OR52E4: variants seen among roughly 807,000 people sequenced by gnomAD.
OR52E4 encodes the protein olfactory receptor 52E4.
For missense variants in OR52E4, 444 were observed against 383.8 expected (o/e 1.16, Z -1.31); for synonymous variants, 169 against 137.4 (o/e 1.23, Z -1.61).
chr11:5,884,834 G>A lies in OR52E4; in HGVS notation c.542G>A (p.Cys181Tyr). 1 of 1,613,454 alleles carries A rather than the reference G, an allele frequency of 6.2e-7. No homozygotes were observed. Among genetic ancestry groups the A allele is most frequent in the South Asian group, 1.1e-5 (1 of 91,072 alleles). The change falls in exon 2 of 2, where the codon TGT becomes TAT. Residue 181 changes from cysteine to tyrosine, a missense_variant. Cys to Tyr is a radical substitution (Grantham distance 194). Transcript: ENST00000641726. ...CATAACATCGTACCTCACACATACT[G>A]TGAGCACAGGGGTCTGGCCGGGTTG... is the stretch of plus-strand genomic sequence containing the variant. ...CGHNIVPHTYCEHRGLAGLAC... is the reference protein window; with the variant it reads ...CGHNIVPHTYYEHRGLAGLAC...
Position 5,884,344 on chromosome 11 carries a change from G to C in OR52E4, c.52G>C (p.Gly18Arg), listed in dbSNP as rs748861143. ...HFYPPFFLLL[G>R]IPGLDTLHIW... ...CTATCCCCCCTTCTTCCTCCTGCTA[G>C]GAATACCAGGACTGGACACTTTACA... Residue 18 changes from glycine to arginine, a missense_variant, in exon 2 of 2, where the codon GGA becomes CGA. Coordinates refer to ENST00000641726, the MANE Select transcript of OR52E4 (RefSeq NM_001005165.2). The C allele has an allele frequency of 2.9e-5, 47 of 1,612,678 alleles. No individual in the cohort carries two copies. In the Admixed American group the frequency reaches 7.0e-4, roughly 24 times the overall value.
At position 5,884,560 on chromosome 11, in the gene OR52E4, A is replaced by G; in HGVS notation, c.268A>G (p.Asn90Asp). The G allele has an allele frequency of 6.2e-7, 1 of 1,613,530 alleles. No homozygotes were observed. Among genetic ancestry groups the G allele is most frequent in the South Asian group, 1.1e-5 (1 of 91,078 alleles). ...CAAAATGCTAGGAATCTTCTGGTTC[A>G]ACCTCCAAGAGATCAGCTTTGGGGG... The part of the protein sequence containing the change: ...IPKMLGIFWF[N>D]LQEISFGGCL... Residue 90 changes from asparagine to aspartate, a missense_variant, in exon 2 of 2, where the codon AAC (asparagine) becomes GAC (aspartate). By Grantham distance (23) the Asn-to-Asp change is conservative. Coordinates refer to ENST00000641726, the MANE Select transcript of OR52E4 (RefSeq NM_001005165.2).
chr11:5,881,705 ATAAG>A (rs1218240677), intron 1 of OR52E4, among the ~76,000 whole-genome samples: 7 of 152,160 alleles, frequency 4.6e-5, no homozygotes, highest in African/African-American at 7.2e-5. Flanking sequence ...CATTAATAAA[ATAAG>A]TAAGTATAAT....
Position 5,884,982 on chromosome 11 carries a change from C to G in OR52E4, c.690C>G (p.Pro230=). Residue 230 remains proline, a synonymous_variant, in exon 2 of 2, where the codon CCC becomes CCG. Coordinates refer to ENST00000641726, the MANE Select transcript of OR52E4 (RefSeq NM_001005165.2). ...TCCTTAGAGCTGTTTTTCGCCTTCCCTCTCAAGATGTCCGACTAAAGGCCT... is the reference window on the plus strand; with the variant it reads ...TCCTTAGAGCTGTTTTTCGCCTTCCGTCTCAAGATGTCCGACTAAAGGCCT... The part of the protein sequence containing the change: ...VLILRAVFRL[P]SQDVRLKAFN... 1 of 1,612,892 alleles carries G rather than the reference C, an allele frequency of 6.2e-7. No individual in the cohort carries two copies. Among genetic ancestry groups the G allele is most frequent in the South Asian group, 1.1e-5 (1 of 91,046 alleles).
chr11:5,881,911 A>G (rs1040199663), intron 1 of OR52E4, among the ~76,000 whole-genome samples: 1 of 152,086 alleles, frequency 6.6e-6, no homozygotes, highest in African/African-American at 2.4e-5. Flanking sequence ...CCATGTCTGA[A>G]AAGTTTTAAG....
In OR52E4 at chr11:5,885,051, C is replaced by A; in HGVS notation, c.759C>A (p.Tyr253Ter). Residue 253 changes from tyrosine to a stop codon, truncating the protein, a stop_gained, in exon 2 of 2, where the codon TAC (tyrosine) becomes TAA (stop). Transcript: ENST00000641726. LOFTEE classifies it low-confidence loss of function (END_TRUNC). The part of the protein sequence containing the change: ...GSHVCVMLCF[Y>*]TPAFFSFMTH... ...ATGTCTGTGTTATGCTGTGCTTTTA[C>A]ACACCAGCATTTTTTTCTTTTATGA... is the stretch of plus-strand genomic sequence containing the variant. 1.2e-6 allele frequency: 2 copies of A among 1,613,516 alleles called. No homozygotes were observed. The highest frequency in any genetic ancestry group is 1.7e-6 in the Non-Finnish European group (2 of 1,179,700).
Position 5,884,317 on chromosome 11 carries a change from T to C in OR52E4, c.25T>C (p.Phe9Leu). Residue 9 changes from phenylalanine (F) to leucine (L), a missense_variant, in exon 2 of 2, where the codon TTC becomes CTC. By Grantham distance (22) the Phe-to-Leu change is conservative. Transcript: ENST00000641726. MPSINDTH[F>L]YPPFFLLLGI... is the part of the protein sequence containing the mutation. ...AATGCCTTCTATCAATGACACCCAC[T>C]TCTATCCCCCCTTCTTCCTCCTGCT... The C allele has an allele frequency of 6.2e-7, 1 of 1,611,450 alleles. No individual in the cohort carries two copies. The highest frequency in any genetic ancestry group is 8.5e-7 in the Non-Finnish European group (1 of 1,178,504).
chr11:5,881,058 C>T (rs1404562179), intron 1 of OR52E4, among the ~76,000 whole-genome samples: 1 of 152,078 alleles, frequency 6.6e-6, no homozygotes, highest in Non-Finnish European at 1.5e-5. Context: ...CATGGCCATA[C>T]TTGTTGTCAA....
At chr11:5,882,144 G>A (rs902104895) in intron 1 of OR52E4, among the ~76,000 whole-genome samples, 1 of 152,056 alleles carries the variant, frequency 6.6e-6, no homozygotes, top group Non-Finnish European at 1.5e-5. Context: ...CTCAAAAAAT[G>A]ATCTTGAGGT....
At chr11:5,881,488 T>C (rs533938416) in intron 1 of OR52E4, among the ~76,000 whole-genome samples, 2 of 152,248 alleles carry the variant, frequency 1.3e-5, no homozygotes, top group African/African-American at 4.8e-5. Context: ...TGGGTCATAT[T>C]TGTATCCATA....
chr11:5,881,953 C>T (rs1291805295), intron 1 of OR52E4, among the ~76,000 whole-genome samples: 2 of 151,960 alleles, frequency 1.3e-5, no homozygotes, highest in South Asian at 2.1e-4. Flanking sequence ...TATTCTACTA[C>T]AGTCAGCAAA....
chr11:5,884,654 C>T lies in OR52E4; in HGVS notation c.362C>T (p.Ala121Val), dbSNP rs1462332855. 6.2e-7 allele frequency: 1 copy of T among 1,613,488 alleles called. No individual in the cohort carries two copies. Among genetic ancestry groups the T allele is most frequent in the South Asian group, 1.1e-5 (1 of 91,072 alleles). Residue 121 changes from alanine to valine, a missense_variant, in exon 2 of 2, where the codon GCT (alanine) becomes GTT (valine). Transcript: ENST00000641726. Reference sequence around the variant, plus strand: ...GAGACTGTTCTGTTGGTGGTCATGGCTTATGACCGCTTTGTTGCCATCTGC... The same window carrying T: ...GAGACTGTTCTGTTGGTGGTCATGGTTTATGACCGCTTTGTTGCCATCTGC... ...GMETVLLVVM[A>V]YDRFVAICNP...
At chr11:5,881,904 T>C (rs551486335) in intron 1 of OR52E4, among the ~76,000 whole-genome samples, 20 of 152,150 alleles carry the variant, frequency 1.3e-4, no homozygotes, top group African/African-American at 4.8e-4. Context: ...TTTCCAGCCA[T>C]GTCTGAAAAG....
rs1467985590 is a variant in OR52E4, at chr11:5,886,667, T to C, written c.*1436T>C. 9.9e-5 allele frequency: 15 copies of C among 152,174 alleles called. No individual in the cohort carries two copies. The highest frequency in any genetic ancestry group is 2.1e-4 in the South Asian group (1 of 4,820). 9.4% of individuals were successfully genotyped at this position (152,174 alleles called of 1,614,324 possible). A position where few individuals can be genotyped will look rare whatever the true frequency, so the allele number is the denominator to read the frequency against. On this transcript the variant is annotated 3_prime_UTR_variant, in exon 2 of 2. Coordinates refer to ENST00000641726, the MANE Select transcript of OR52E4 (RefSeq NM_001005165.2). ...TGCTTTAAAATAGATAAAAGAGACATTGAACTGAAATTTGTGACTTATCAG... is the reference window on the plus strand; with the variant it reads ...TGCTTTAAAATAGATAAAAGAGACACTGAACTGAAATTTGTGACTTATCAG...
rs747966839 is a variant in OR52E4 at position 5,884,607 on chromosome 11, TA to T, written c.316del (p.Ile106PhefsTer31). The T allele has an allele frequency of 8.7e-5, 141 of 1,613,558 alleles. No homozygotes were observed. In the African/African-American group the frequency reaches 1.7e-3, roughly 20 times the overall value. ...FGGCLLQMFF[I>X]HMFTGMETVL... is the part of the protein sequence containing the mutation. ...GGGGATGCCTTCTTCAGATGTTCTT[TA>T]TTCACATGTTTACAGGCATGGAGAC... On this transcript the variant is annotated frameshift_variant, in exon 2 of 2. Transcript: ENST00000641726. LOFTEE classifies it low-confidence loss of function (END_TRUNC).
rs1564991361 is a variant in OR52E4 at position 5,884,288 on chromosome 11, G to A, written c.-5G>A. ...CTTAGGAATTCAGTGACACTTGCTG[G>A]GAGAATGCCTTCTATCAATGACACC... On this transcript the variant is annotated 5_prime_UTR_variant, in exon 2 of 2. Coordinates refer to ENST00000641726, the MANE Select transcript of OR52E4 (RefSeq NM_001005165.2). The A allele has an allele frequency of 6.3e-7, 1 of 1,594,398 alleles. No homozygotes were observed. Among genetic ancestry groups the A allele is most frequent in the Non-Finnish European group, 8.6e-7 (1 of 1,168,014 alleles).
At chr11:5,880,889 G>A (rs2134273090) in intron 1 of OR52E4, among the ~76,000 whole-genome samples, 175 bp downstream of exon 1, 1 of 49,880 alleles carries the variant, frequency 2.0e-5, no homozygotes, top group South Asian at 5.1e-4. Flanking sequence ...GGGCAGTGGT[G>A]TACCAATTAG....
rs142415540 is a variant in OR52E4 at position 5,884,385 on chromosome 11, C to G, written c.93C>G (p.Phe31Leu). 4.5e-5 allele frequency: 73 copies of G among 1,613,288 alleles called. No individual in the cohort carries two copies. The Admixed American group carries it at 9.7e-4, about 21-fold the overall frequency. The part of the protein sequence containing the change: ...GLDTLHIWIS[F>L]PFCIVYLIAI... ...ACACTTTACATATCTGGATTTCTTT[C>G]CCATTCTGTATTGTGTACCTGATTG... Residue 31 changes from phenylalanine to leucine, a missense_variant, in exon 2 of 2, where the codon TTC (phenylalanine) becomes TTG (leucine). By Grantham distance (22) the Phe-to-Leu change is conservative. Coordinates refer to ENST00000641726, the MANE Select transcript of OR52E4 (RefSeq NM_001005165.2).
Position 5,884,557 on chromosome 11 carries a change from T to G in OR52E4, c.265T>G (p.Phe89Val), listed in dbSNP as rs1381045915. Reference protein sequence around the residue: ...TIPKMLGIFWFNLQEISFGGC... With the variant: ...TIPKMLGIFWVNLQEISFGGC... The stretch of plus-strand genomic sequence containing the variant: ...CCCCAAAATGCTAGGAATCTTCTGG[T>G]TCAACCTCCAAGAGATCAGCTTTGG... The change falls in exon 2 of 2, where the codon TTC becomes GTC. Residue 89 changes from phenylalanine to valine, a missense_variant. Physicochemically the swap from Phe to Val is conservative, Grantham distance 50. Coordinates refer to ENST00000641726, the MANE Select transcript of OR52E4 (RefSeq NM_001005165.2). 1 of 1,613,522 alleles carries G rather than the reference T, an allele frequency of 6.2e-7. No homozygotes were observed. The highest frequency in any genetic ancestry group is 1.1e-5 in the South Asian group (1 of 91,076).
Sources: allele counts gnomAD v4.1 joint callset (sites outside exome capture counted in the v4.1 genomes callset), GRCh38; gene constraint gnomAD v4.1.1; transcripts MANE v1.5; gene names NCBI Gene and HGNC (gene_info 2026-07-23, HGNC 2026-07-21).